PCNX2: variants seen among roughly 807,000 people sequenced by gnomAD.
PCNX2 encodes pecanex 2.
A neutral mutation model predicts 223.8 loss-of-function variants in PCNX2; 168 were observed. That is an observed-to-expected ratio of 0.75 (90% confidence interval 0.66 to 0.85). The LOEUF is 0.85. PCNX2 is among the 40% of genes least tolerant of loss of function. The pLI, the probability that PCNX2 is intolerant of heterozygous loss-of-function variation, is 0.00. For missense variants in PCNX2, 2,507 were observed against 2,675.5 expected, an observed-to-expected ratio of 0.94 and a Z score of 1.39; for synonymous variants, 1,006 against 1,052.6, an observed-to-expected ratio of 0.96 and a Z score of 0.86.
chr1:233,224,769 C>T (rs968517341), intron 10 of PCNX2, among the ~76,000 whole-genome samples: 1 of 152,092 alleles, frequency 6.6e-6, no homozygotes, highest in Admixed American at 6.5e-5. Flanking sequence ...ACCAATCCTG[C>T]TAACTGATGA....
intron 30 of PCNX2, 44 bp from the exon 31 acceptor site, chr1:232,999,423 GT>G: frequency 7.2e-7 from 1 of 1,380,768 alleles, no homozygotes; most frequent in Non-Finnish European, 9.8e-7. Flanking sequence ...GAAGGCCTGT[GT>G]TTTCCAGTCT....
At chr1:233,059,466 G>C (rs1413649346) in intron 23 of PCNX2, among the ~76,000 whole-genome samples, 1 of 152,166 alleles carries the variant, frequency 6.6e-6, no homozygotes, top group Non-Finnish European at 1.5e-5. Context: ...AAATTAAATA[G>C]AGTGCTCAAG....
intron 5 of PCNX2, among the ~76,000 whole-genome samples, chr1:233,255,186 T>C (rs969004824): frequency 1.3e-5 from 2 of 152,130 alleles, no homozygotes; most frequent in African/African-American, 4.8e-5. Flanking sequence ...ACCCCCATAA[T>C]AATTAGCCCG....
At chr1:233,255,225 T>C (rs60500181) in intron 5 of PCNX2, among the ~76,000 whole-genome samples, 4,286 of 152,180 alleles carry the variant, frequency 0.028, 109 homozygotes, top group African/African-American at 0.072. Flanking sequence ...TCATAACTGA[T>C]AGCTTCCCTA....
Position 233,139,980 on chromosome 1 carries a change from C to G in PCNX2, c.3518-125G>C. On this transcript the variant is annotated intron_variant, in intron 19 of 33. Transcript: ENST00000258229. The surrounding 1 kb of genome is among the most constrained non-coding windows in gnomAD (Gnocchi z 4.4). ...AGCTGCTAATTAAGAACTCGTGATA[C>G]TAGACATGATATACCATTTTTTTCC... The G allele has an allele frequency of 3.3e-6, 4 of 1,223,266 alleles. No individual in the cohort carries two copies. The highest frequency in any genetic ancestry group is 1.6e-5 in the South Asian group (1 of 61,206). The allele number at this position is 1,223,266 out of a possible 1,614,324, so 75.8% of individuals were successfully genotyped here. A position where few individuals can be genotyped will look rare whatever the true frequency, so the allele number is the denominator to read the frequency against.
chr1:233,061,426 T>C (rs537727584), intron 23 of PCNX2, among the ~76,000 whole-genome samples: 1 of 152,206 alleles, frequency 6.6e-6, no homozygotes, highest in Non-Finnish European at 1.5e-5. Context: ...GCACGAGACA[T>C]TTCCTGAGGA....
chr1:233,049,731 T>C (rs1671933071), intron 25 of PCNX2, among the ~76,000 whole-genome samples: 1 of 152,146 alleles, frequency 6.6e-6, no homozygotes, highest in Non-Finnish European at 1.5e-5. Flanking sequence ...CCAAAAGCCT[T>C]CCGGAATTGA....
chr1:233,114,157 G>C (rs1276476329), intron 21 of PCNX2, among the ~76,000 whole-genome samples: 2 of 152,206 alleles, frequency 1.3e-5, no homozygotes, highest in African/African-American at 4.8e-5. Context: ...AGGGTGAAAG[G>C]ATTGGAAACC....
intron 21 of PCNX2, among the ~76,000 whole-genome samples, chr1:233,118,775 A>G (rs1296915505): frequency 6.6e-6 from 1 of 152,230 alleles, no homozygotes; most frequent in African/African-American, 2.4e-5. Flanking sequence ...AAAGATGTCA[A>G]TTCTCTCTAA....
At chr1:233,085,287 G>A (rs1303987021) in intron 23 of PCNX2, among the ~76,000 whole-genome samples, 1 of 150,684 alleles carries the variant, frequency 6.6e-6, no homozygotes, top group Non-Finnish European at 1.5e-5. Context: ...AGCTGAGATT[G>A]TGCCACTGCA....
At chr1:233,208,443 T>C in intron 13 of PCNX2, 75 bp downstream of exon 13, 2 of 1,436,372 alleles carry the variant, frequency 1.4e-6, no homozygotes, top group Non-Finnish European at 1.9e-6. Flanking sequence ...TAAGGAAGCT[T>C]AGAAATTCAG....
chr1:233,219,668 A>T (rs902729079), intron 10 of PCNX2, among the ~76,000 whole-genome samples: 5 of 152,136 alleles, frequency 3.3e-5, no homozygotes, highest in African/African-American at 1.2e-4. Context: ...GACATTTGTG[A>T]TTCACAGCAA....
chr1:233,131,699 G>A (rs935207896), intron 21 of PCNX2, among the ~76,000 whole-genome samples: 4 of 152,096 alleles, frequency 2.6e-5, no homozygotes, highest in Admixed American at 1.3e-4. Context: ...CCGACTTGCT[G>A]CCTACTTTCC....
At chr1:233,244,426 T>C (rs1658976307) in intron 8 of PCNX2, among the ~76,000 whole-genome samples, 1 of 152,162 alleles carries the variant, frequency 6.6e-6, no homozygotes, top group South Asian at 2.1e-4. Context: ...AACACAGGGC[T>C]GGACTGGGTG....
At chr1:233,066,594 C>T (rs1672619298) in intron 23 of PCNX2, among the ~76,000 whole-genome samples, 2 of 152,236 alleles carry the variant, frequency 1.3e-5, no homozygotes, top group South Asian at 4.1e-4. Context: ...CCTGGCTGTG[C>T]ACTGTGGTCA....
intron 17 of PCNX2, among the ~76,000 whole-genome samples, chr1:233,173,969 T>C (rs1162225873): frequency 6.6e-6 from 1 of 150,672 alleles, no homozygotes; most frequent in Non-Finnish European, 1.5e-5. Flanking sequence ...TATACACATA[T>C]AAATCATCAT....
At chr1:233,213,121 T>C (rs1042411362) in intron 12 of PCNX2, among the ~76,000 whole-genome samples, 1 of 152,216 alleles carries the variant, frequency 6.6e-6, no homozygotes, top group Non-Finnish European at 1.5e-5. Flanking sequence ...GTCAAGATCA[T>C]CAAAAACTAT....
At chr1:233,297,336 T>C (rs1662178701), upstream of PCNX2, among the ~76,000 whole-genome samples, 1 of 152,128 alleles carries the variant, frequency 6.6e-6, no homozygotes, top group African/African-American at 2.4e-5. Flanking sequence ...TCAAATATAG[T>C]CCCTACCATG....
At chr1:233,038,166 A>G (rs563624086) in intron 25 of PCNX2, among the ~76,000 whole-genome samples, 1 of 152,286 alleles carries the variant, frequency 6.6e-6, no homozygotes, top group South Asian at 2.1e-4. Context: ...CAACCAGCTC[A>G]TGGGAGAAAA....
Sources: allele counts gnomAD v4.1 joint callset (sites outside exome capture counted in the v4.1 genomes callset), GRCh38; gene constraint gnomAD v4.1.1; non-coding constraint Gnocchi (gnomAD v3.1); transcripts MANE v1.5; gene names NCBI Gene and HGNC (gene_info 2026-07-23, HGNC 2026-07-21).